The following YPEL1 variants were observed in gnomAD, a reference collection of about 807,000 sequenced individuals.
YPEL1 encodes the protein yippee like 1.
In YPEL1, 7 loss-of-function variants were observed where a neutral mutation model predicts 17.3. The ratio of observed to expected loss-of-function variants is 0.40; its 90% CI spans 0.23 to 0.76. The LOEUF (loss-of-function observed/expected upper bound fraction) is 0.76. Among genes scored for constraint, YPEL1 ranks in the 30% least tolerant of loss-of-function variants. The pLI is 0.35. For synonymous variants in YPEL1, 59 were observed against 59.6 expected (o/e 0.99, Z 0.05); for missense variants, 91 against 155.5 (o/e 0.59, Z 2.21).
intron 1 of YPEL1, 100 bp from the exon 2 acceptor site, chr22:21,711,008 G>C (rs887342926): frequency 2.5e-5 from 10 of 404,954 alleles, no homozygotes; most frequent in Admixed American, 1.5e-4. Context: ...CGCGGGGTGG[G>C]GGGGTGGCAG....
At chr22:21,716,203 C>T (rs2068222236) in intron 1 of YPEL1, among the ~76,000 whole-genome samples, 1 of 152,118 alleles carries the variant, frequency 6.6e-6, no homozygotes, top group Non-Finnish European at 1.5e-5. Context: ...GCCACCGCGC[C>T]CAGACTAAAA....
intron 1 of YPEL1, among the ~76,000 whole-genome samples, chr22:21,731,842 G>A (rs1369945090): frequency 2.0e-5 from 3 of 152,196 alleles, no homozygotes; most frequent in Non-Finnish European, 2.9e-5. Context: ...AATTTACAGG[G>A]CAGTCAGAGT....
chr22:21,720,639 C>T (rs1341038115), intron 1 of YPEL1, among the ~76,000 whole-genome samples: 2 of 151,926 alleles, frequency 1.3e-5, no homozygotes, highest in African/African-American at 4.8e-5. Context: ...TACAGGCATG[C>T]ACCACCATGC....
At chr22:21,725,099 G>A (rs1380216001) in intron 1 of YPEL1, among the ~76,000 whole-genome samples, 1 of 151,404 alleles carries the variant, frequency 6.6e-6, no homozygotes, top group East Asian at 1.9e-4. Context: ...AGTAAAGATG[G>A]GCTTTCACCA....
chr22:21,732,037 G>A (rs1024070658), intron 1 of YPEL1, among the ~76,000 whole-genome samples: 6 of 152,238 alleles, frequency 3.9e-5, no homozygotes, highest in African/African-American at 1.4e-4. Context: ...TGAGCAATGG[G>A]GTGAATAACG....
At chr22:21,728,674 C>T (rs1256179384) in intron 1 of YPEL1, among the ~76,000 whole-genome samples, 1 of 152,178 alleles carries the variant, frequency 6.6e-6, no homozygotes, top group African/African-American at 2.4e-5. Flanking sequence ...ACTCTGAAGG[C>T]ACACTCATAC....
chr22:21,731,894 G>T (rs2068390747), intron 1 of YPEL1, among the ~76,000 whole-genome samples: 1 of 152,220 alleles, frequency 6.6e-6, no homozygotes, highest in Non-Finnish European at 1.5e-5. Context: ...GCACAGTTTA[G>T]GTGTCTGACC....
chr22:21,723,057 T>A (rs2068299170), intron 1 of YPEL1: 1 of 152,144 alleles, frequency 6.6e-6, no homozygotes. Flanking sequence ...ACCATATTGA[T>A]GCCTAACTTA....
chr22:21,725,069 G>A (rs1020461009), intron 1 of YPEL1, among the ~76,000 whole-genome samples: 3 of 151,132 alleles, frequency 2.0e-5, no homozygotes, highest in Non-Finnish European at 4.4e-5. Context: ...CATCATGCCC[G>A]GCTAATTTTA....
chr22:21,729,316 A>G (rs2068366055), intron 1 of YPEL1, among the ~76,000 whole-genome samples: 1 of 151,752 alleles, frequency 6.6e-6, no homozygotes, highest in African/African-American at 2.4e-5. Context: ...ATCTCAAAAA[A>G]AAAGTTGATA....
Position 21,703,986 on chromosome 22 carries a change from G to A in YPEL1, c.118-104C>T, listed in dbSNP as rs1331442072. 7 of 1,309,532 alleles carry A rather than the reference G, an allele frequency of 5.3e-6. No individual in the cohort carries two copies. Among genetic ancestry groups the A allele is most frequent in the East Asian group, 5.0e-5 (2 of 39,800 alleles). 81.1% of individuals were successfully genotyped at this position (1,309,532 alleles called of 1,614,324 possible). A position where few individuals can be genotyped will look rare whatever the true frequency, so the allele number is the denominator to read the frequency against. On this transcript the variant is annotated intron_variant, in intron 2 of 4. Coordinates refer to ENST00000339468, the MANE Select transcript of YPEL1 (RefSeq NM_013313.5). The surrounding 1 kb of genome is among the most constrained non-coding windows in gnomAD (Gnocchi z 6.1). ...CAGCCCCGCGGCTGTTAGCTGCGCC[G>A]GGACGCGTCACCGGGAGCAGACACC...
At chr22:21,731,331 C>CA (rs35487299) in intron 1 of YPEL1, among the ~76,000 whole-genome samples, 11,866 of 141,498 alleles carry the variant, frequency 0.084, 672 homozygotes, top group East Asian at 0.15. Context: ...GACCCTGTGT[C>CA]AAAAAAAAAA....
intron 1 of YPEL1, among the ~76,000 whole-genome samples, chr22:21,733,789 A>G (rs529074587): frequency 6.6e-6 from 1 of 152,346 alleles, no homozygotes; most frequent in East Asian, 1.9e-4. Context: ...AGAAAAAAGG[A>G]AAAAACCTAT....
At chr22:21,732,047 G>A (rs150418204) in intron 1 of YPEL1, among the ~76,000 whole-genome samples, 24 of 152,320 alleles carry the variant, frequency 1.6e-4, no homozygotes, top group African/African-American at 4.3e-4. Flanking sequence ...GGTGAATAAC[G>A]GCTCCTAACC....
chr22:21,708,684 AAGAC>A (rs2068136891), intron 2 of YPEL1, among the ~76,000 whole-genome samples: 1 of 121,896 alleles, frequency 8.2e-6, no homozygotes, highest in Non-Finnish European at 1.7e-5. Context: ...TTTTTTTTTT[AAGAC>A]AGAGTTTCGC....
intron 2 of YPEL1, among the ~76,000 whole-genome samples, chr22:21,705,788 A>G (rs1371557243): frequency 1.3e-5 from 2 of 151,914 alleles, no homozygotes; most frequent in Non-Finnish European, 2.9e-5. Context: ...AGCCATGATT[A>G]CACCACTGCA....
rs1269225539 is a variant in YPEL1, at chr22:21,703,453, C to T, written c.187G>A (p.Glu63Lys). ...SVVNVGCGPA[E>K]ERVLLTGLHA... The stretch of plus-strand genomic sequence containing the variant: ...AGCCCGGTGAGAAGGACCCTCTCCT[C>T]TGCAGGGCCGCAGCCCACGTTCACC... Residue 63 changes from glutamate to lysine, a missense_variant, in exon 4 of 5, where the codon GAG becomes AAG. Transcript: ENST00000339468. The surrounding 1 kb of genome is among the most constrained non-coding windows in gnomAD (Gnocchi z 6.1). 6.2e-7 allele frequency: 1 copy of T among 1,611,646 alleles called. No individual in the cohort carries two copies. Among genetic ancestry groups the T allele is most frequent in the East Asian group, 2.2e-5 (1 of 44,850 alleles).
chr22:21,712,823 A>G (rs1212888747), intron 1 of YPEL1, among the ~76,000 whole-genome samples: 2 of 152,046 alleles, frequency 1.3e-5, no homozygotes, highest in Non-Finnish European at 2.9e-5. Flanking sequence ...CTCAGCAAAA[A>G]GAAACACAAT....
At chr22:21,716,228 A>G (rs1018083992) in intron 1 of YPEL1, among the ~76,000 whole-genome samples, 1 of 152,252 alleles carries the variant, frequency 6.6e-6, no homozygotes, top group Admixed American at 6.5e-5. Context: ...CATTTTTAAA[A>G]AAGAGGTGAC....
Sources: allele counts gnomAD v4.1 joint callset (sites outside exome capture counted in the v4.1 genomes callset), GRCh38; gene constraint gnomAD v4.1.1; non-coding constraint Gnocchi (gnomAD v3.1); transcripts MANE v1.5; gene names NCBI Gene and HGNC (gene_info 2026-07-23, HGNC 2026-07-21).